The following DOCK10 variants were observed in gnomAD, a reference collection of about 807,000 sequenced individuals.
DOCK10 encodes dedicator of cytokinesis 10, also known as dedicator of cytokinesis protein 10.
In DOCK10, 145 loss-of-function variants were observed where a neutral mutation model predicts 280.1. The ratio of observed to expected loss-of-function variants is 0.52; its 90% CI spans 0.45 to 0.59. DOCK10 has a LOEUF of 0.59. DOCK10 is among the 20% of genes least tolerant of loss of function. The pLI is 0.00. For missense variants in DOCK10, 2,368 were observed against 2,651.7 expected, an observed-to-expected ratio of 0.89 and a Z score of 2.35; for synonymous variants, 915 against 942.2, an observed-to-expected ratio of 0.97 and a Z score of 0.53.
intron 2 of DOCK10, among the ~76,000 whole-genome samples, chr2:224,920,918 A>G (rs1394296998): frequency 6.6e-6 from 1 of 150,630 alleles, no homozygotes; most frequent in African/African-American, 2.5e-5. Context: ...CCATCTATGT[A>G]GTAAACTTAC....
At chr2:224,950,471 T>C (rs2126118686) in intron 1 of DOCK10, among the ~76,000 whole-genome samples, 1 of 152,268 alleles carries the variant, frequency 6.6e-6, no homozygotes, top group South Asian at 2.1e-4. Context: ...CCAAAGTCAG[T>C]AGCAGAGCTG....
At chr2:224,883,882 A>G (rs192208420) in intron 7 of DOCK10, among the ~76,000 whole-genome samples, 60 of 152,358 alleles carry the variant, frequency 3.9e-4, no homozygotes, top group Non-Finnish European at 7.3e-4. Flanking sequence ...ACAAAAGACT[A>G]CAATGGTACT....
At chr2:224,957,282 T>TCCTC (rs1282480557) in intron 1 of DOCK10, among the ~76,000 whole-genome samples, 1 of 86,492 alleles carries the variant, frequency 1.2e-5, no homozygotes, top group Non-Finnish European at 2.6e-5. Flanking sequence ...GTTTTTACTT[T>TCCTC]CCGCCCCCCC....
chr2:224,930,277 G>T (rs1702272782), intron 2 of DOCK10, among the ~76,000 whole-genome samples: 1 of 151,244 alleles, frequency 6.6e-6, no homozygotes, highest in Non-Finnish European at 1.5e-5. Flanking sequence ...TCTTCAGTCT[G>T]AAAAATGAAA....
At chr2:224,851,320 C>T (rs192604484) in intron 18 of DOCK10, among the ~76,000 whole-genome samples, 417 of 152,208 alleles carry the variant, frequency 2.7e-3, no homozygotes, top group African/African-American at 9.6e-3. Flanking sequence ...ACAGGCCAAA[C>T]GTGCTTGCCA....
intron 41 of DOCK10, among the ~76,000 whole-genome samples, chr2:224,799,146 C>CT (rs1417329096): frequency 2.0e-5 from 3 of 152,192 alleles, no homozygotes; most frequent in East Asian, 1.9e-4. Flanking sequence ...TTTTTAAATA[C>CT]TTTTTTTTGT....
At chr2:224,817,287 G>A (rs981151270) in intron 29 of DOCK10, among the ~76,000 whole-genome samples, 7 of 152,166 alleles carry the variant, frequency 4.6e-5, no homozygotes, top group African/African-American at 1.7e-4. Flanking sequence ...ATGGAGTCCA[G>A]GCACGGTCAA....
intron 6 of DOCK10, 51 bp downstream of exon 6, chr2:224,886,012 G>A (rs1699256453): frequency 1.2e-6 from 2 of 1,610,024 alleles, no homozygotes. Flanking sequence ...CCAGAGGAGG[G>A]AGTGTTAAGA....
At chr2:225,018,373 G>A (rs946640924) in intron 1 of DOCK10, among the ~76,000 whole-genome samples, 4 of 151,154 alleles carry the variant, frequency 2.6e-5, no homozygotes, top group Admixed American at 1.3e-4. Context: ...AACGTGCATC[G>A]CATCCTAACT....
chr2:224,787,397 T>G lies in DOCK10; in HGVS notation c.5419A>C (p.Asn1807His). The G allele has an allele frequency of 6.2e-7, 1 of 1,613,712 alleles. No individual in the cohort carries two copies. ...SGMQDTPYNENILVEQLYMCV... is the reference protein window; with the variant it reads ...SGMQDTPYNEHILVEQLYMCV... ...ATGTATAGCTGCTCCACCAGGATAT[T>G]CTGCAATTCCCCCAATCAAAATAAG... The change falls in exon 49 of 56, where the codon AAT becomes CAT. Residue 1807 changes from asparagine to histidine, a missense_variant and splice_region_variant. Physicochemically the swap from Asn to His is moderately conservative, Grantham distance 68 (BLOSUM62 1). Transcript: ENST00000258390.
At chr2:224,830,704 T>C in intron 26 of DOCK10, 92 bp from the exon 27 acceptor site, 1 of 615,290 alleles carries the variant, frequency 1.6e-6, no homozygotes, top group Non-Finnish European at 2.7e-6. Context: ...TATAACATTG[T>C]TATGTTAAAA....
At chr2:224,778,586 T>TG (rs1289532729) in intron 50 of DOCK10, among the ~76,000 whole-genome samples, 1 of 152,232 alleles carries the variant, frequency 6.6e-6, no homozygotes, top group Non-Finnish European at 1.5e-5. Flanking sequence ...GCATATATTT[T>TG]GGGGGAAGAA....
intron 13 of DOCK10, among the ~76,000 whole-genome samples, chr2:224,863,741 G>A (rs1205035494): frequency 1.4e-4 from 21 of 152,172 alleles, no homozygotes; most frequent in Admixed American, 1.2e-3. Flanking sequence ...GTGAGCCACT[G>A]CGCCCGGCCT....
In DOCK10 at chr2:224,908,035, ACT is replaced by A. The variant is rs541878267; in HGVS notation, c.333+8658_333+8659del. On this transcript the variant is annotated intron_variant, in intron 3 of 55. Coordinates refer to ENST00000258390, the MANE Select transcript of DOCK10 (RefSeq NM_014689.3). ...CTTGATGGATATTAGCTAATTAAAG[ACT>A]CTGAATGTGTGTGTGTGTGTGTGTA... is the stretch of plus-strand genomic sequence containing the variant. Among the ~76,000 whole-genome samples, 180 of 152,164 alleles carry A rather than the reference ACT, an allele frequency of 1.2e-3. 1 individual carries two copies. Among genetic ancestry groups the A allele is most frequent in the African/African-American group, 4.0e-3 (164 of 41,468 alleles).
intron 1 of DOCK10, among the ~76,000 whole-genome samples, chr2:224,984,105 C>A (rs1705890313): frequency 6.6e-6 from 1 of 152,090 alleles, no homozygotes; most frequent in Non-Finnish European, 1.5e-5. Flanking sequence ...CCCCCACCCA[C>A]TTACTCCCAT....
rs1574838560 is a variant in DOCK10 at position 224,797,840 on chromosome 2, C to T, written c.4636G>A (p.Val1546Ile). 3 of 1,613,232 alleles carry T rather than the reference C, an allele frequency of 1.9e-6. No individual in the cohort carries two copies. Among genetic ancestry groups the T allele is most frequent in the Admixed American group, 1.7e-5 (1 of 59,842 alleles). The change falls in exon 42 of 56, where the codon GTA becomes ATA. Residue 1546 changes from valine (V) to isoleucine (I), a missense_variant. Physicochemically the swap from Val to Ile is conservative, Grantham distance 29. This residue lies in a region of DOCK10 where 1,159 missense variants were observed against 1,400.8 expected (regional missense o/e 0.83). Transcript: ENST00000258390. ...KHVFASLRLFVCKFPSAFFQG... is the reference protein window; with the variant it reads ...KHVFASLRLFICKFPSAFFQG... ...AACCTGGAGATCCTTACCTTGCATA[C>T]AAACAGTCTCAAGGAGGCAAACACA...
intron 1 of DOCK10, among the ~76,000 whole-genome samples, chr2:224,993,671 A>T (rs1210774543): frequency 6.6e-6 from 1 of 152,110 alleles, no homozygotes; most frequent in Non-Finnish European, 1.5e-5. Flanking sequence ...TTCAAGCGTA[A>T]CTGAATTCTG....
intron 31 of DOCK10, among the ~76,000 whole-genome samples, chr2:224,808,988 G>A (rs746292689): frequency 1.3e-5 from 2 of 152,012 alleles, no homozygotes; most frequent in Non-Finnish European, 2.9e-5. Flanking sequence ...GTATTTGAGG[G>A]AGCAAGGAGA....
Position 224,854,818 on chromosome 2 carries a change from A to G in DOCK10, c.1888+145T>C, listed in dbSNP as rs16866234. The stretch of plus-strand genomic sequence containing the variant: ...AATTCCATATATTTCAACTTTTGGG[A>G]AAAAAAAAACCCAAAACCTTGTAAC... On this transcript the variant is annotated intron_variant, in intron 16 of 55. Transcript: ENST00000258390. The G allele has an allele frequency of 1.6e-3, 749 of 476,152 alleles. 3 individuals are homozygous for G. Among genetic ancestry groups the G allele is most frequent in the African/African-American group, 0.014 (661 of 47,280 alleles). 29.5% of individuals were successfully genotyped at this position (476,152 alleles called of 1,614,324 possible).
Sources: gnomAD v4.1 joint callset for allele counts (sites outside exome capture counted in the v4.1 genomes callset) on GRCh38, gnomAD v4.1.1 for gene constraint, gnomAD v4.1.1 regional missense constraint, MANE v1.5 for transcripts, NCBI Gene and HGNC (gene_info 2026-07-23, HGNC 2026-07-21) for gene names.